Variants in PPME1 observed in about 807,000 individuals in gnomAD.
PPME1 encodes protein phosphatase methylesterase 1.
PPME1 carries 17 observed loss-of-function variants against 56.9 expected under a neutral mutation model. The ratio of observed to expected loss-of-function variants is 0.30; its 90% confidence interval spans 0.20 to 0.45. PPME1 has a LOEUF of 0.45. Among genes scored for constraint, PPME1 ranks in the 20% least tolerant of loss-of-function variants. The pLI, the probability that PPME1 is intolerant of heterozygous loss-of-function variation, is 1.00. For missense variants in PPME1, 357 were observed against 483.2 expected, an observed-to-expected ratio of 0.74 and a Z score of 2.45; for synonymous variants, 122 against 156.2, an observed-to-expected ratio of 0.78 and a Z score of 1.63.
At position 74,230,219 on chromosome 11, in the gene PPME1, T is replaced by G. The variant is rs74470818; in HGVS notation, c.399-26T>G. 1.6e-3 allele frequency: 2,498 copies of G among 1,583,118 alleles called. 23 individuals carry two copies. The African/African-American group carries it at 0.029, about 18-fold the overall frequency. On this transcript the variant is annotated intron_variant, in intron 5 of 13. Coordinates refer to ENST00000328257, the MANE Select transcript of PPME1 (RefSeq NM_016147.3). This position sits in a 1 kb window ranked among gnomAD's most constrained non-coding sequence, Gnocchi z 4.9. Reference sequence around the variant, plus strand: ...TTACAGTGTTGTCAGAAAGCATTCTTAGATCTTTTTCTCTTCTCTTTGCAG... The same window carrying G: ...TTACAGTGTTGTCAGAAAGCATTCTGAGATCTTTTTCTCTTCTCTTTGCAG...
At chr11:74,222,497 G>T in intron 4 of PPME1, 128 bp downstream of exon 4, 1 of 832,192 alleles carries the variant, frequency 1.2e-6, no homozygotes. Flanking sequence ...GCTTTTTGTT[G>T]TTGTCGTTGG....
At chr11:74,235,668 T>C in intron 7 of PPME1, 2 of 534,468 alleles carry the variant, frequency 3.7e-6, no homozygotes, top group Non-Finnish European at 6.3e-6. Context: ...GCACCTAGTA[T>C]CCTCTTGATA....
rs192185789 is a variant in PPME1 at position 74,192,224 on chromosome 11, A to G, written c.102-11504A>G. ...TTTGGAGCTTTAAGATTTAATGACTACCCTGCTGGGTTTCAGACTTTCATA... is the reference window on the plus strand; with the variant it reads ...TTTGGAGCTTTAAGATTTAATGACTGCCCTGCTGGGTTTCAGACTTTCATA... On this transcript the variant is annotated intron_variant, in intron 1 of 13. Coordinates refer to ENST00000328257, the MANE Select transcript of PPME1 (RefSeq NM_016147.3). 3.7e-3 allele frequency among the ~76,000 whole-genome samples: 558 copies of G among 152,176 alleles called. 8 individuals carry two copies. The highest frequency in any genetic ancestry group is 5.1e-3 in the Non-Finnish European group (350 of 67,996).
At chr11:74,202,210 C>CT (rs1301402904) in intron 1 of PPME1, among the ~76,000 whole-genome samples, 2 of 152,170 alleles carry the variant, frequency 1.3e-5, no homozygotes, top group African/African-American at 2.4e-5. Context: ...ATCATGTACT[C>CT]TATCTTTATA....
At chr11:74,203,873 G>A in intron 2 of PPME1, 52 bp downstream of exon 2, 2 of 1,309,388 alleles carry the variant, frequency 1.5e-6, no homozygotes, top group Non-Finnish European at 2.1e-6. Flanking sequence ...TGTTGTCTAA[G>A]TTAAAAGACT....
intron 1 of PPME1, among the ~76,000 whole-genome samples, chr11:74,184,452 T>C (rs749125318): frequency 2.0e-5 from 3 of 152,192 alleles, no homozygotes; most frequent in African/African-American, 4.8e-5. Context: ...CATTTTTAAG[T>C]TGGAAAATCT....
At chr11:74,208,275 G>A (rs1858381133) in intron 3 of PPME1, among the ~76,000 whole-genome samples, 1 of 150,526 alleles carries the variant, frequency 6.6e-6, no homozygotes, top group East Asian at 2.0e-4. Context: ...TCGTGCCACT[G>A]CACTCCATGC....
chr11:74,226,525 C>A lies in PPME1; in HGVS notation c.398+1269C>A, dbSNP rs565168725. 2.0e-5 allele frequency among the ~76,000 whole-genome samples: 3 copies of A among 152,318 alleles called. No homozygotes were observed. The East Asian group carries it at 5.8e-4, about 29-fold the overall frequency. On this transcript the variant is annotated intron_variant, in intron 5 of 13. Transcript: ENST00000328257. ...TTCATTAATATGAGAGCAATATATC[C>A]TCAAACAGTCAAGGCTGTTAGTGAT...
At chr11:74,216,857 G>T (rs1382574665) in intron 3 of PPME1, among the ~76,000 whole-genome samples, 1 of 152,118 alleles carries the variant, frequency 6.6e-6, no homozygotes, top group Non-Finnish European at 1.5e-5. Context: ...ATGCCAATAA[G>T]TTGGAAAATC....
intron 1 of PPME1, among the ~76,000 whole-genome samples, chr11:74,188,450 G>C (rs1235289309): frequency 6.6e-6 from 1 of 152,066 alleles, no homozygotes; most frequent in Non-Finnish European, 1.5e-5. Flanking sequence ...CTCCCAAAGT[G>C]CTGGGATTAC....
rs765847385 is a variant in PPME1, at chr11:74,230,649, A to G, written c.553+250A>G. ...TCCCATAATTGTATTTAATCATATA[A>G]AAAGAAGCTGCCATGTCTTTTCTGA... On this transcript the variant is annotated intron_variant, in intron 6 of 13. Transcript: ENST00000328257. The surrounding 1 kb of genome is among the most constrained non-coding windows in gnomAD (Gnocchi z 4.9). 2.0e-4 allele frequency: 118 copies of G among 600,184 alleles called. No individual in the cohort carries two copies. Among genetic ancestry groups the G allele is most frequent in the Middle Eastern group, 8.8e-4 (2 of 2,262 alleles). The allele number at this position is 600,184 out of a possible 1,614,324, so 37.2% of individuals were successfully genotyped here.
chr11:74,211,724 G>T (rs1858481355), intron 3 of PPME1, among the ~76,000 whole-genome samples: 2 of 152,056 alleles, frequency 1.3e-5, no homozygotes, highest in South Asian at 4.1e-4. Context: ...TAGGCAAAGG[G>T]TTAATATTTT....
At chr11:74,191,736 T>C (rs1340983266) in intron 1 of PPME1, among the ~76,000 whole-genome samples, 1 of 152,214 alleles carries the variant, frequency 6.6e-6, no homozygotes, top group African/African-American at 2.4e-5. Flanking sequence ...GCACAAGCAC[T>C]GTAAGCCTTG....
rs757727370 is a variant in PPME1, at chr11:74,171,515, C to G, written c.94C>G (p.Arg32Gly). The G allele has an allele frequency of 3.7e-6, 6 of 1,612,008 alleles. No homozygotes were observed. The highest frequency in any genetic ancestry group is 3.3e-5 in the South Asian group (3 of 90,740). Residue 32 changes from arginine (R) to glycine (G), a missense_variant, in exon 1 of 14, where the codon CGA becomes GGA. Physicochemically the swap from Arg to Gly is moderately radical, Grantham distance 125 (BLOSUM62 -2). Transcript: ENST00000328257. ...GGGCAGTCAGAGCGGAGCCAAGATG[C>G]GAATGGGGTACGTGACCCATACCCC... ...SGGSQSGAKM[R>G]MGPGRKRDFS...
chr11:74,240,260 A>T (rs1342591396), intron 9 of PPME1, among the ~76,000 whole-genome samples: 1 of 152,170 alleles, frequency 6.6e-6, no homozygotes, highest in Non-Finnish European at 1.5e-5. Context: ...GTCCTTTGCT[A>T]GTCATCTGTT....
intron 1 of PPME1, among the ~76,000 whole-genome samples, chr11:74,201,341 G>A (rs1858161374): frequency 6.6e-6 from 1 of 150,770 alleles, no homozygotes; most frequent in African/African-American, 2.5e-5. Context: ...GTTCTCCTGT[G>A]AATAATTTCT....
chr11:74,194,856 C>G (rs775539644), intron 1 of PPME1, among the ~76,000 whole-genome samples: 1 of 151,950 alleles, frequency 6.6e-6, no homozygotes, highest in Non-Finnish European at 1.5e-5. Context: ...GAGACTACAA[C>G]AAGAAAAATA....
At chr11:74,240,019 C>T (rs951632438) in intron 9 of PPME1, among the ~76,000 whole-genome samples, 1 of 145,012 alleles carries the variant, frequency 6.9e-6, no homozygotes, top group Non-Finnish European at 1.5e-5. Flanking sequence ...GGCTGAATTC[C>T]TTGGCTCACG....
At chr11:74,171,916 G>A (rs916990127) in intron 1 of PPME1, among the ~76,000 whole-genome samples, 1 of 152,110 alleles carries the variant, frequency 6.6e-6, no homozygotes, top group Admixed American at 6.5e-5. Flanking sequence ...GGGGAATTGG[G>A]CCAACAACTA....
Sources: gnomAD v4.1 joint callset for allele counts (sites outside exome capture counted in the v4.1 genomes callset) on GRCh38, gnomAD v4.1.1 for gene constraint, Gnocchi (gnomAD v3.1) non-coding constraint, MANE v1.5 for transcripts, NCBI Gene and HGNC (gene_info 2026-07-23, HGNC 2026-07-21) for gene names.